The following CNR2 variants were observed in gnomAD, a reference collection of about 807,000 sequenced individuals.
CNR2 encodes the protein cannabinoid receptor 2, also known as cannabinoid receptor 2 (macrophage).
For synonymous variants in CNR2, 172 were observed against 182.2 expected (o/e 0.94, Z 0.45); for missense variants, 379 against 439.9 (o/e 0.86, Z 1.24).
intron 1 of CNR2, among the ~76,000 whole-genome samples, chr1:23,877,641 C>CA (rs1040526307): frequency 1.4e-4 from 21 of 147,220 alleles, no homozygotes; most frequent in African/African-American, 5.0e-4. Flanking sequence ...GACTCCATCT[C>CA]AAAAAAAATA....
chr1:23,877,318 C>T (rs1639901680), intron 1 of CNR2, among the ~76,000 whole-genome samples: 1 of 152,106 alleles, frequency 6.6e-6, no homozygotes, highest in Non-Finnish European at 1.5e-5. Context: ...CAAAACAGAA[C>T]AACTGAAAAG....
rs141989735 is a variant in CNR2, at chr1:23,875,212, G to A, written c.406C>T (p.Arg136Cys). The change falls in exon 2 of 2, where the codon CGC becomes TGC. Residue 136 changes from arginine to cysteine, a missense_variant. Arg to Cys is a radical substitution (Grantham distance 180). Transcript: ENST00000374472. ...LTAIDRYLCL[R>C]YPPSYKALLT... ...AGAGCTTTGTAGGAAGGTGGATAGC[G>A]CAGGCAGAGGTATCGGTCAATGGCG... 3.9e-5 allele frequency: 63 copies of A among 1,614,036 alleles called. No individual in the cohort carries two copies. Among genetic ancestry groups the A allele is most frequent in the Middle Eastern group, 1.6e-4 (1 of 6,082 alleles).
rs1045868697 is a variant in CNR2, at chr1:23,876,494, C to T, written c.-45-832G>A. ...CTGGAATTACAGGCATGAGCCACTGCGCCTGGCCAAAACATTTTATACTAG... is the reference window on the plus strand; with the variant it reads ...CTGGAATTACAGGCATGAGCCACTGTGCCTGGCCAAAACATTTTATACTAG... On this transcript the variant is annotated intron_variant, in intron 1 of 1. Coordinates refer to ENST00000374472, the MANE Select transcript of CNR2 (RefSeq NM_001841.3). Among the ~76,000 whole-genome samples, 16 of 151,826 alleles carry T rather than the reference C, an allele frequency of 1.1e-4. No individual in the cohort carries two copies. In the East Asian group the frequency reaches 2.3e-3, roughly 22 times the overall value.
rs1193279440 is a variant in CNR2 at position 23,886,497 on chromosome 1, G to C, written c.-45-10835C>G. Among the ~76,000 whole-genome samples, 5 of 152,302 alleles carry C rather than the reference G, an allele frequency of 3.3e-5. No homozygotes were observed. The East Asian group carries it at 9.6e-4, about 29-fold the overall frequency. On this transcript the variant is annotated intron_variant, in intron 1 of 1. Coordinates refer to ENST00000374472, the MANE Select transcript of CNR2 (RefSeq NM_001841.3). ...CATATTTCCTGCCCTTACCTACTTT[G>C]GTTAATAACCACGCATGTTGGTGGC...
In CNR2 at chr1:23,873,433, A is replaced by AG. The variant is rs397804531; in HGVS notation, c.*1101_*1102insC. Reference sequence around the variant, plus strand: ...GTATTTTTAGTAGAGACAGGGTTTCACCATATTGGTCAGGCTGGTCTCAAA... The same window carrying AG: ...GTATTTTTAGTAGAGACAGGGTTTCAGCCATATTGGTCAGGCTGGTCTCAAA... On this transcript the variant is annotated 3_prime_UTR_variant, in exon 2 of 2. Coordinates refer to ENST00000374472, the MANE Select transcript of CNR2 (RefSeq NM_001841.3). 4.7e-5 allele frequency: 1 copy of AG among 21,330 alleles called. No individual in the cohort carries two copies. The highest frequency in any genetic ancestry group is 4.0e-4 in the African/African-American group (1 of 2,508). The allele number at this position is 21,330 out of a possible 1,614,324, so 1.3% of individuals were successfully genotyped here. A position where few individuals can be genotyped will look rare whatever the true frequency, so the allele number is the denominator to read the frequency against.
At chr1:23,876,912 C>T (rs1639892978) in intron 1 of CNR2, among the ~76,000 whole-genome samples, 1 of 150,864 alleles carries the variant, frequency 6.6e-6, no homozygotes, top group African/African-American at 2.4e-5. Flanking sequence ...GAAGAAAAAA[C>T]CCTCAGGAAC....
intron 1 of CNR2, among the ~76,000 whole-genome samples, chr1:23,880,511 C>T (rs974938072): frequency 1.3e-5 from 2 of 151,918 alleles, no homozygotes; most frequent in African/African-American, 4.8e-5. Context: ...ACACTGACCT[C>T]GTCTTTATTT....
chr1:23,881,287 G>A (rs28876803), intron 1 of CNR2, among the ~76,000 whole-genome samples: 109,364 of 151,388 alleles, frequency 0.72, 40,216 homozygotes, highest in Middle Eastern at 0.8. Flanking sequence ...AAAAATATAT[G>A]TAATAATAAT....
chr1:23,891,336 A>G (rs1640186664), intron 1 of CNR2, among the ~76,000 whole-genome samples: 1 of 151,402 alleles, frequency 6.6e-6, no homozygotes, highest in Non-Finnish European at 1.5e-5. Flanking sequence ...AATCCAAATC[A>G]GGCCAGGCAC....
At chr1:23,883,031 A>T (rs999632439) in intron 1 of CNR2, among the ~76,000 whole-genome samples, 1 of 152,162 alleles carries the variant, frequency 6.6e-6, no homozygotes, top group Non-Finnish European at 1.5e-5. Context: ...AAAAGATTAT[A>T]AAATAGATGA....
chr1:23,884,132 T>G (rs12742876), intron 1 of CNR2, among the ~76,000 whole-genome samples: 108,937 of 150,178 alleles, frequency 0.73, 40,310 homozygotes, highest in Middle Eastern at 0.79. Flanking sequence ...CAGGCTGGAG[T>G]GCAGTGGCAC....
At chr1:23,888,539 T>C (rs879891310) in intron 1 of CNR2, among the ~76,000 whole-genome samples, 3 of 152,164 alleles carry the variant, frequency 2.0e-5, no homozygotes, top group African/African-American at 7.2e-5. Context: ...TTCACACTTT[T>C]TATCAGTGTG....
chr1:23,872,669 G>T lies in CNR2; in HGVS notation c.*1866C>A, dbSNP rs1639783556. The T allele has an allele frequency of 6.6e-6, 1 of 152,134 alleles. No individual in the cohort carries two copies. Among genetic ancestry groups the T allele is most frequent in the African/African-American group, 2.4e-5 (1 of 41,444 alleles). The allele number at this position is 152,134 out of a possible 1,614,324, so 9.4% of individuals were successfully genotyped here. On this transcript the variant is annotated 3_prime_UTR_variant, in exon 2 of 2. Coordinates refer to ENST00000374472, the MANE Select transcript of CNR2 (RefSeq NM_001841.3). ...TTTGAGGTTGCCACATCTGTAAAAT[G>T]AAGATAACTAAGACCTTCTTATTAG...
intron 1 of CNR2, among the ~76,000 whole-genome samples, chr1:23,893,287 G>C (rs751766382): frequency 6.6e-6 from 1 of 152,134 alleles, no homozygotes; most frequent in African/African-American, 2.4e-5. Flanking sequence ...GGGCAGAGCA[G>C]AGCTAAATGA....
chr1:23,900,302 T>A (rs9424401), intron 1 of CNR2, among the ~76,000 whole-genome samples: 1 of 151,992 alleles, frequency 6.6e-6, no homozygotes, highest in Non-Finnish European at 1.5e-5. Flanking sequence ...TGAATGCTGG[T>A]GGAGACTGAT....
chr1:23,889,091 C>T (rs758351874), intron 1 of CNR2, among the ~76,000 whole-genome samples: 11 of 152,116 alleles, frequency 7.2e-5, no homozygotes, highest in Non-Finnish European at 1.5e-4. Context: ...ACATAGGGAG[C>T]GTCCATGGTG....
At chr1:23,878,635 T>C (rs1557523173) in intron 1 of CNR2, among the ~76,000 whole-genome samples, 1 of 152,132 alleles carries the variant, frequency 6.6e-6, no homozygotes, top group Non-Finnish European at 1.5e-5. Flanking sequence ...CACCTCGGCC[T>C]CCCAAAGTGC....
intron 1 of CNR2, chr1:23,902,639 G>A (rs1325629392): frequency 4.4e-6 from 7 of 1,598,310 alleles, no homozygotes; most frequent in East Asian, 2.2e-5. Flanking sequence ...ACTTGTGGGC[G>A]GGCACCGTCC....
chr1:23,899,109 C>T (rs1358519483), intron 1 of CNR2, among the ~76,000 whole-genome samples: 3 of 152,280 alleles, frequency 2.0e-5, no homozygotes, highest in African/African-American at 7.2e-5. Flanking sequence ...GCGCTGTCTC[C>T]TTTATCCTCC....
Sources: gnomAD v4.1 joint callset for allele counts (sites outside exome capture counted in the v4.1 genomes callset) on GRCh38, gnomAD v4.1.1 for gene constraint, MANE v1.5 for transcripts, NCBI Gene and HGNC (gene_info 2026-07-23, HGNC 2026-07-21) for gene names.